PACRGL: variants seen among roughly 807,000 people sequenced by gnomAD.
PACRGL encodes the protein parkin coregulated like.
In PACRGL, 38 loss-of-function variants were observed where a neutral mutation model predicts 34.5. That is an observed-to-expected ratio of 1.10 (90% CI 0.85 to 1.44). The LOEUF (loss-of-function observed/expected upper bound fraction) is 1.44, where lower values mean the gene tolerates loss of function less well. Ranked by LOEUF, PACRGL falls within the 40% of genes most tolerant of loss-of-function variation. PACRGL has a pLI of 0.00. For missense variants in PACRGL, 305 were observed against 281.4 expected (o/e 1.08, Z -0.60); for synonymous variants, 128 against 100.1 (o/e 1.28, Z -1.66).
rs1208434014 is a variant in PACRGL, at chr4:20,707,799, T to G, written c.208-4T>G. Reference sequence around the variant, plus strand: ...GATAGTAATATTTTCATTTTTTATTTTAGTTTGGTGAACAGTCACGAGTGC... The same window carrying G: ...GATAGTAATATTTTCATTTTTTATTGTAGTTTGGTGAACAGTCACGAGTGC... On this transcript the variant is annotated splice_region_variant and splice_polypyrimidine_tract_variant and intron_variant, in intron 3 of 8. Coordinates refer to ENST00000503585, the MANE Select transcript of PACRGL (RefSeq NM_001258345.3). 9.9e-6 allele frequency: 16 copies of G among 1,612,490 alleles called. No individual in the cohort carries two copies. The highest frequency in any genetic ancestry group is 1.4e-5 in the Non-Finnish European group (16 of 1,178,680).
In PACRGL at chr4:20,730,495, A is replaced by G. The variant is rs931935581; in HGVS notation, c.*3154A>G. On this transcript the variant is annotated 3_prime_UTR_variant, in exon 9 of 9. Coordinates refer to ENST00000503585, the MANE Select transcript of PACRGL (RefSeq NM_001258345.3). The stretch of plus-strand genomic sequence containing the variant: ...TGGCATTCTATGTAGATCACAGGCC[A>G]AATCACACAGACTTTTATACAGGTA... 3.9e-5 allele frequency among the ~76,000 whole-genome samples: 6 copies of G among 152,306 alleles called. No individual in the cohort carries two copies. Among genetic ancestry groups the G allele is most frequent in the Middle Eastern group, 3.4e-3 (1 of 294 alleles).
downstream of PACRGL, among the ~76,000 whole-genome samples, chr4:20,736,198 G>A (rs1019987382): frequency 6.6e-6 from 1 of 152,242 alleles, no homozygotes; most frequent in East Asian, 1.9e-4. Flanking sequence ...GCATACACAA[G>A]TATAAGATAT....
At chr4:20,727,000 A>G (rs1745972848) in intron 8 of PACRGL, among the ~76,000 whole-genome samples, 1 of 152,122 alleles carries the variant, frequency 6.6e-6, no homozygotes, top group Non-Finnish European at 1.5e-5. Flanking sequence ...TAGGCACAGA[A>G]AAGTAATTAG....
At chr4:20,743,266 CTACTT>C (rs892102753) in intron 8 of PACRGL, among the ~76,000 whole-genome samples, 2 of 152,258 alleles carry the variant, frequency 1.3e-5, no homozygotes, top group Admixed American at 6.5e-5. Context: ...TTGGAAAAAA[CTACTT>C]TAAAGTTCAT....
intron 8 of PACRGL, among the ~76,000 whole-genome samples, chr4:20,739,513 G>C (rs905395769): frequency 6.6e-6 from 1 of 152,176 alleles, no homozygotes; most frequent in African/African-American, 2.4e-5. Flanking sequence ...CTGACTGTTA[G>C]AAGGAAAACT....
intron 7 of PACRGL, among the ~76,000 whole-genome samples, chr4:20,715,194 G>C (rs934669015): frequency 1.3e-5 from 2 of 152,068 alleles, no homozygotes. Flanking sequence ...AACACCGCAT[G>C]TTCTCACTCA....
At chr4:20,720,236 ATGG>A (rs1742346724) in intron 7 of PACRGL, among the ~76,000 whole-genome samples, 1 of 151,964 alleles carries the variant, frequency 6.6e-6, no homozygotes, top group African/African-American at 2.4e-5. Flanking sequence ...TGCACATGAG[ATGG>A]GTCTCCTGAA....
intron 7 of PACRGL, among the ~76,000 whole-genome samples, chr4:20,716,722 C>G (rs966198327): frequency 6.6e-5 from 10 of 152,180 alleles, no homozygotes; most frequent in Non-Finnish European, 1.2e-4. Context: ...TTTTCTTAAT[C>G]CAGTCTATCA....
At chr4:20,699,564 G>T (rs1731491018), upstream of PACRGL, among the ~76,000 whole-genome samples, 1 of 152,156 alleles carries the variant, frequency 6.6e-6, no homozygotes, top group Non-Finnish European at 1.5e-5. Flanking sequence ...CTGGGGTGCT[G>T]GTCAAGTAGC....
In PACRGL at chr4:20,727,461, A is replaced by T; in HGVS notation, c.*120A>T. ...CCACCATTCATTATTTACTAGGTTA[A>T]GATGAATAGACACTGAATCAAAGTT... On this transcript the variant is annotated 3_prime_UTR_variant, in exon 9 of 9. Transcript: ENST00000503585. 1 of 753,846 alleles carries T rather than the reference A, an allele frequency of 1.3e-6. No homozygotes were observed. Among genetic ancestry groups the T allele is most frequent in the Admixed American group, 2.5e-5 (1 of 40,122 alleles). 46.7% of individuals were successfully genotyped at this position (753,846 alleles called of 1,614,324 possible). A position where few individuals can be genotyped will look rare whatever the true frequency, so the allele number is the denominator to read the frequency against.
downstream of PACRGL, among the ~76,000 whole-genome samples, chr4:20,754,015 T>C (rs906154404): frequency 1.3e-5 from 2 of 152,194 alleles, no homozygotes; most frequent in African/African-American, 4.8e-5. Context: ...CCCAGGAAAC[T>C]ATGATTTTTA....
chr4:20,722,540 A>G (rs1743827432), intron 7 of PACRGL, among the ~76,000 whole-genome samples: 1 of 152,224 alleles, frequency 6.6e-6, no homozygotes, highest in Non-Finnish European at 1.5e-5. Context: ...ATTGCCAACT[A>G]GAGAAGCTCA....
chr4:20,709,063 T>C (rs1448569695), intron 4 of PACRGL, among the ~76,000 whole-genome samples: 3 of 151,958 alleles, frequency 2.0e-5, no homozygotes, highest in Non-Finnish European at 4.4e-5. Flanking sequence ...TGCTTGAACC[T>C]GGGAGGCGGA....
chr4:20,720,964 A>G (rs566925702), intron 7 of PACRGL, among the ~76,000 whole-genome samples: 7 of 152,256 alleles, frequency 4.6e-5, no homozygotes, highest in South Asian at 2.1e-4. Flanking sequence ...AGGTACACCA[A>G]TCAGACGTAG....
At chr4:20,738,968 A>T (rs1464759929) in intron 8 of PACRGL, among the ~76,000 whole-genome samples, 2 of 152,122 alleles carry the variant, frequency 1.3e-5, no homozygotes, top group Non-Finnish European at 1.5e-5. Context: ...AGTGGCCCAC[A>T]CCCACAGAGC....
the PACRGL span, among the ~76,000 whole-genome samples, chr4:20,766,077 T>C: frequency 1.3e-5 from 2 of 152,330 alleles, no homozygotes; most frequent in South Asian, 4.1e-4. Context: ...ATTAAGCTAA[T>C]ACACATGAGC....
At chr4:20,748,570 A>T (rs1752895481) in intron 8 of PACRGL, among the ~76,000 whole-genome samples, 1 of 29,480 alleles carries the variant, frequency 3.4e-5, no homozygotes, top group African/African-American at 1.3e-4. Context: ...TTATATATAT[A>T]TATATATATA....
At chr4:20,734,679 A>G (rs770853434), downstream of PACRGL, 20 of 1,603,770 alleles carry the variant, frequency 1.2e-5, no homozygotes, top group African/African-American at 4.0e-5. Context: ...TAAATGCCCA[A>G]TTGAGTTTTT....
chr4:20,757,335 C>G (rs1363752502), downstream of PACRGL, among the ~76,000 whole-genome samples: 1 of 152,170 alleles, frequency 6.6e-6, no homozygotes, highest in African/African-American at 2.4e-5. Context: ...AGTCTCCCTG[C>G]CTGCAGTATT....
Sources: gnomAD v4.1 joint callset for allele counts (sites outside exome capture counted in the v4.1 genomes callset) on GRCh38, gnomAD v4.1.1 for gene constraint, MANE v1.5 for transcripts, NCBI Gene and HGNC (gene_info 2026-07-23, HGNC 2026-07-21) for gene names.